The following ADGB variants were observed in gnomAD, a reference collection of about 807,000 sequenced individuals.
The protein encoded by ADGB is androglobin.
Under a neutral mutation model 210.5 loss-of-function variants are expected in ADGB, and 172 were observed. That is an observed-to-expected ratio of 0.82 (90% CI 0.72 to 0.93). ADGB has a LOEUF of 0.93. Among genes scored for constraint, ADGB ranks in the 40% least tolerant of loss-of-function variants. The probability of loss-of-function intolerance (pLI) is 0.00; values close to 1 mark genes in which losing one functional copy is unlikely to be tolerated. For missense variants in ADGB, 2,025 were observed against 1,964.8 expected, an observed-to-expected ratio of 1.03 and a Z score of -0.58; for synonymous variants, 658 against 662.7, an observed-to-expected ratio of 0.99 and a Z score of 0.11.
At chr6:146,780,570 G>A (rs1179151359) in intron 29 of ADGB, among the ~76,000 whole-genome samples, 2 of 152,046 alleles carry the variant, frequency 1.3e-5, no homozygotes, top group Non-Finnish European at 2.9e-5. Context: ...ACAAAATAGG[G>A]TCTAAGATGA....
At chr6:146,724,396 G>A (rs1583607552) in intron 18 of ADGB, 69 bp downstream of exon 18, 1 of 1,425,104 alleles carries the variant, frequency 7.0e-7, no homozygotes. Context: ...GGTTACTAAA[G>A]AAGTAAACAA....
intron 12 of ADGB, among the ~76,000 whole-genome samples, chr6:146,693,780 C>G (rs529736639): frequency 6.6e-6 from 1 of 152,096 alleles, no homozygotes. Context: ...GAAATTTCCT[C>G]AATCCAATAT....
At chr6:146,717,162 C>T (rs1160414876) in intron 15 of ADGB, 93 bp downstream of exon 15, 8 of 1,091,934 alleles carry the variant, frequency 7.3e-6, no homozygotes, top group Non-Finnish European at 1.0e-5. Context: ...TTTATTTTTG[C>T]ATATTTAATA....
At chr6:146,812,699 A>G (rs115970429) in intron 35 of ADGB, among the ~76,000 whole-genome samples, 5 of 147,754 alleles carry the variant, frequency 3.4e-5, no homozygotes, top group Non-Finnish European at 7.5e-5. Context: ...TCAGCGTGAA[A>G]TCTAACAGAC....
intron 24 of ADGB, 51 bp downstream of exon 24, chr6:146,740,644 T>A (rs2114597831): frequency 6.6e-7 from 1 of 1,511,210 alleles, no homozygotes; most frequent in Non-Finnish European, 8.9e-7. Context: ...TTGCAATATC[T>A]GTATTTATGA....
In ADGB at chr6:146,778,671, T is replaced by C. The variant is rs1777755914; in HGVS notation, c.3863-3349T>C. Among the ~76,000 whole-genome samples the C allele has an allele frequency of 1.3e-5, 2 of 152,168 alleles. 1 individual carries two copies. Among genetic ancestry groups the C allele is most frequent in the South Asian group, 4.1e-4 (2 of 4,832 alleles). On this transcript the variant is annotated intron_variant, in intron 29 of 35. Transcript: ENST00000397944. ...CATCACTAGCAAGAGCTGAACTGCT[T>C]AGAGTGTAATCTCACCTTCCTCCAC...
chr6:146,671,666 G>A (rs1331689257), intron 7 of ADGB, among the ~76,000 whole-genome samples: 1 of 152,118 alleles, frequency 6.6e-6, no homozygotes, highest in Non-Finnish European at 1.5e-5. Flanking sequence ...AGAACACCAA[G>A]AGGAGAGCTG....
intron 29 of ADGB, among the ~76,000 whole-genome samples, chr6:146,779,255 A>C (rs1424555979): frequency 6.6e-6 from 1 of 152,224 alleles, no homozygotes; most frequent in Non-Finnish European, 1.5e-5. Flanking sequence ...TTCTCCACAA[A>C]ATGGTAGTCT....
At chr6:146,662,593 T>C (rs944925251) in intron 5 of ADGB, among the ~76,000 whole-genome samples, 1 of 152,152 alleles carries the variant, frequency 6.6e-6, no homozygotes, top group African/African-American at 2.4e-5. Context: ...TTAATAATTC[T>C]AATTTCTCTG....
intron 1 of ADGB, among the ~76,000 whole-genome samples, chr6:146,634,433 G>GT (rs926382856): frequency 1.3e-5 from 2 of 151,894 alleles, no homozygotes; most frequent in Admixed American, 1.3e-4. Flanking sequence ...ATTTTAGTCT[G>GT]TTTTTTTTAA....
chr6:146,806,045 C>A (rs893618367), intron 35 of ADGB, among the ~76,000 whole-genome samples: 3 of 152,130 alleles, frequency 2.0e-5, no homozygotes, highest in African/African-American at 7.2e-5. Context: ...ATCAGTAAAT[C>A]AATGAATGGA....
At chr6:146,604,450 T>C (rs1780604510) in intron 1 of ADGB, among the ~76,000 whole-genome samples, 1 of 152,126 alleles carries the variant, frequency 6.6e-6, no homozygotes, top group Non-Finnish European at 1.5e-5. Flanking sequence ...CCCCCTTTGT[T>C]TCCCCCAACT....
chr6:146,665,585 C>G (rs1346099840), intron 6 of ADGB, among the ~76,000 whole-genome samples: 1 of 152,030 alleles, frequency 6.6e-6, no homozygotes, highest in East Asian at 1.9e-4. Flanking sequence ...GAATACATGA[C>G]CTGGATAATT....
intron 7 of ADGB, among the ~76,000 whole-genome samples, chr6:146,671,425 G>T (rs1776007451): frequency 6.6e-6 from 1 of 152,196 alleles, no homozygotes; most frequent in Non-Finnish European, 1.5e-5. Flanking sequence ...GGATTTTAAA[G>T]AGAGAGTCTT....
intron 1 of ADGB, among the ~76,000 whole-genome samples, chr6:146,600,924 GCGCACACACACACA>G (rs1440539895): frequency 0.055 from 2,621 of 47,568 alleles, 60 homozygotes; most frequent in African/African-American, 0.12. Context: ...CCTCCCCCAT[GCGCACACACACACA>G]CACACACACA....
intron 33 of ADGB, among the ~76,000 whole-genome samples, chr6:146,798,647 T>C (rs1778080415): frequency 6.7e-6 from 1 of 150,034 alleles, no homozygotes; most frequent in Admixed American, 6.7e-5. Flanking sequence ...CCGACAACAC[T>C]CTCCTATATG....
intron 9 of ADGB, among the ~76,000 whole-genome samples, chr6:146,680,580 T>A (rs1776144193): frequency 6.6e-6 from 1 of 151,976 alleles, no homozygotes; most frequent in Non-Finnish European, 1.5e-5. Context: ...AACCTGGAGA[T>A]CTCCCTCATA....
At chr6:146,814,818 T>C (rs1227642488) in intron 35 of ADGB, among the ~76,000 whole-genome samples, 1 of 152,246 alleles carries the variant, frequency 6.6e-6, no homozygotes, top group African/African-American at 2.4e-5. Flanking sequence ...CAAATGTTTT[T>C]ATTTTGCCAT....
intron 27 of ADGB, among the ~76,000 whole-genome samples, chr6:146,755,793 G>C (rs558287683): frequency 6.6e-6 from 1 of 151,842 alleles, no homozygotes; most frequent in South Asian, 2.1e-4. Context: ...TCTTCTAGTT[G>C]ACCTTTGCAA....
Sources: gnomAD v4.1 joint callset for allele counts (sites outside exome capture counted in the v4.1 genomes callset) on GRCh38, gnomAD v4.1.1 for gene constraint, MANE v1.5 for transcripts, NCBI Gene and HGNC (gene_info 2026-07-23, HGNC 2026-07-21) for gene names.